The following NTF3 variants were observed in gnomAD, a reference collection of about 807,000 sequenced individuals.
NTF3 encodes neurotrophin-3.
A neutral mutation model predicts 26.3 loss-of-function variants in NTF3; 8 were observed. That is an observed-to-expected ratio of 0.30 (90% CI 0.18 to 0.55). The LOEUF (loss-of-function observed/expected upper bound fraction) is 0.55. NTF3 is among the 20% of genes least tolerant of loss of function. NTF3 has a pLI of 0.93. For missense variants in NTF3, 276 were observed against 352.9 expected (o/e 0.78, Z 1.75); for synonymous variants, 154 against 145.5 (o/e 1.06, Z -0.42).
In NTF3 at chr12:5,448,296, G is replaced by T. The variant is rs371871674; in HGVS notation, c.18+15954G>T. Among the ~76,000 whole-genome samples, 298 of 152,230 alleles carry T rather than the reference G, an allele frequency of 2.0e-3. 10 individuals carry two copies. In the South Asian group the frequency reaches 0.06, roughly 31 times the overall value. On this transcript the variant is annotated intron_variant, in intron 1 of 1. Transcript: ENST00000423158. ...TAAATACTCATGCTCCTTTCTGATT[G>T]CTGTTTTCACCTCTTCTTTAGGCTT...
At chr12:5,444,125 GT>G (rs1940274194) in intron 1 of NTF3, among the ~76,000 whole-genome samples, 2 of 152,204 alleles carry the variant, frequency 1.3e-5, no homozygotes, top group South Asian at 4.1e-4. Flanking sequence ...GTTACTGTCT[GT>G]CTACAGCAAG....
At chr12:5,465,445 G>A (rs11063693) in intron 1 of NTF3, among the ~76,000 whole-genome samples, 2,105 of 152,328 alleles carry the variant, frequency 0.014, 43 homozygotes, top group African/African-American at 0.047. Flanking sequence ...GCAGAGAGAA[G>A]GTAGTTTATT....
chr12:5,438,593 G>T (rs67394720), intron 1 of NTF3, among the ~76,000 whole-genome samples: 16,098 of 152,090 alleles, frequency 0.11, 885 homozygotes, highest in African/African-American at 0.13. Context: ...TCAGAGATTT[G>T]TTGGAAGATT....
intron 1 of NTF3, among the ~76,000 whole-genome samples, chr12:5,457,771 C>T (rs915968979): frequency 2.6e-5 from 4 of 152,186 alleles, no homozygotes; most frequent in Non-Finnish European, 5.9e-5. Flanking sequence ...TCCAGTGAGT[C>T]TTCTCCATTG....
intron 1 of NTF3, among the ~76,000 whole-genome samples, chr12:5,438,400 C>T (rs544246167): frequency 2.7e-4 from 41 of 152,264 alleles, no homozygotes; most frequent in Admixed American, 3.9e-4. Flanking sequence ...TTGGGAACTA[C>T]GGAGAGCTTG....
chr12:5,474,671 G>T (rs373914176), intron 1 of NTF3, among the ~76,000 whole-genome samples: 3 of 152,178 alleles, frequency 2.0e-5, no homozygotes, highest in South Asian at 2.1e-4. Flanking sequence ...ATTCCAGTGC[G>T]GGGAAGAAAT....
chr12:5,483,734 T>C (rs1940834644), intron 1 of NTF3, among the ~76,000 whole-genome samples: 1 of 152,192 alleles, frequency 6.6e-6, no homozygotes, highest in Non-Finnish European at 1.5e-5. Context: ...AGGAATCGCA[T>C]TTGCGTTTTC....
intron 1 of NTF3, among the ~76,000 whole-genome samples, chr12:5,483,838 G>T (rs934775476): frequency 1.9e-4 from 29 of 152,356 alleles, no homozygotes; most frequent in Non-Finnish European, 3.7e-4. Flanking sequence ...GTCACCCAGA[G>T]TGATTGCAGG....
In NTF3 at chr12:5,456,906, G is replaced by T. The variant is rs1208829319; in HGVS notation, c.18+24564G>T. Among the ~76,000 whole-genome samples the T allele has an allele frequency of 6.6e-6, 1 of 152,130 alleles. No individual in the cohort carries two copies. The highest frequency in any genetic ancestry group is 1.5e-5 in the Non-Finnish European group (1 of 68,018). On this transcript the variant is annotated intron_variant, in intron 1 of 1. Coordinates refer to ENST00000423158, the MANE Select transcript of NTF3 (RefSeq NM_001102654.2). The surrounding 1 kb of genome is among the most constrained non-coding windows in gnomAD (Gnocchi z 4.4). ...CATGAGTGTGCTGAGTGGCCCATAG[G>T]GGCAGGTATGAGAGAGGTGCTGAGG... is the stretch of plus-strand genomic sequence containing the variant.
chr12:5,435,513 A>G (rs1200698997), intron 1 of NTF3, among the ~76,000 whole-genome samples: 1 of 152,210 alleles, frequency 6.6e-6, no homozygotes, highest in Non-Finnish European at 1.5e-5. Flanking sequence ...AGTGGGGCAT[A>G]AAGAGAGGGA....
intron 1 of NTF3, among the ~76,000 whole-genome samples, chr12:5,441,693 C>A (rs76329779): frequency 0.019 from 2,886 of 152,290 alleles, 80 homozygotes; most frequent in African/African-American, 0.063. Context: ...AATGCGTGAC[C>A]AGCCATTGTG....
chr12:5,455,753 G>A (rs1314171650), intron 1 of NTF3, among the ~76,000 whole-genome samples: 1 of 152,194 alleles, frequency 6.6e-6, no homozygotes, highest in Non-Finnish European at 1.5e-5. Flanking sequence ...AGGGCACACA[G>A]CAGCTGATCG....
intron 1 of NTF3, among the ~76,000 whole-genome samples, chr12:5,462,518 C>A (rs1940537438): frequency 6.6e-6 from 1 of 152,060 alleles, no homozygotes; most frequent in South Asian, 2.1e-4. Flanking sequence ...TAGAATAGTA[C>A]CTGGTGCATT....
At chr12:5,435,777 T>A (rs1287788898) in intron 1 of NTF3, among the ~76,000 whole-genome samples, 1 of 152,160 alleles carries the variant, frequency 6.6e-6, no homozygotes, top group East Asian at 1.9e-4. Context: ...CTTTGATGTT[T>A]TCTGGGCTAC....
intron 1 of NTF3, among the ~76,000 whole-genome samples, chr12:5,442,018 G>A (rs1007595717): frequency 3.3e-5 from 5 of 152,184 alleles, no homozygotes; most frequent in Non-Finnish European, 7.3e-5. Context: ...CAAAACACAC[G>A]TGTACAGATT....
chr12:5,443,823 A>G (rs1039473166), intron 1 of NTF3, among the ~76,000 whole-genome samples: 9 of 152,138 alleles, frequency 5.9e-5, no homozygotes, highest in South Asian at 2.1e-4. Flanking sequence ...TGTTTATTGC[A>G]TATTCTTGCC....
intron 1 of NTF3, among the ~76,000 whole-genome samples, chr12:5,454,103 C>T (rs1198182308): frequency 1.3e-5 from 2 of 152,154 alleles, no homozygotes; most frequent in Non-Finnish European, 2.9e-5. Flanking sequence ...AATGTATTGC[C>T]TCACAGTTCT....
At chr12:5,493,048 A>C (rs540464193) in intron 1 of NTF3, among the ~76,000 whole-genome samples, 97 of 152,330 alleles carry the variant, frequency 6.4e-4, no homozygotes, top group African/African-American at 2.2e-3. Flanking sequence ...ATGGTGATTA[A>C]GGAGTGAATA....
chr12:5,434,097 C>T (rs1452401190), intron 1 of NTF3, among the ~76,000 whole-genome samples: 1 of 152,176 alleles, frequency 6.6e-6, no homozygotes, highest in Non-Finnish European at 1.5e-5. Context: ...CTCAGAAGTT[C>T]TCCAGCGTAC....
Sources: allele counts gnomAD v4.1 joint callset (sites outside exome capture counted in the v4.1 genomes callset), GRCh38; gene constraint gnomAD v4.1.1; non-coding constraint Gnocchi (gnomAD v3.1); transcripts MANE v1.5; gene names NCBI Gene and HGNC (gene_info 2026-07-23, HGNC 2026-07-21).